The following HEMK2 variants were observed in gnomAD, a reference collection of about 807,000 sequenced individuals.
HEMK2 encodes the protein methyltransferase HEMK2.
At chr21:28,730,053 T>A in the HEMK2 span, among the ~76,000 whole-genome samples, 1 of 152,044 alleles carries the variant, frequency 6.6e-6, no homozygotes, top group Non-Finnish European at 1.5e-5. Flanking sequence ...TATTGCTTTG[T>A]AACAAAATCC....
the HEMK2 span, among the ~76,000 whole-genome samples, chr21:28,729,025 C>T: frequency 6.6e-6 from 1 of 152,170 alleles, no homozygotes; most frequent in African/African-American, 2.4e-5. Flanking sequence ...TGAGAGTGTA[C>T]TCATTTAGTT....
At chr21:28,726,317 A>T in the HEMK2 span, among the ~76,000 whole-genome samples, 1 of 152,030 alleles carries the variant, frequency 6.6e-6, no homozygotes, top group Non-Finnish European at 1.5e-5. Context: ...AAATATTAAT[A>T]AATAAACTTA....
the HEMK2 span, among the ~76,000 whole-genome samples, chr21:28,582,331 A>G: frequency 6.6e-6 from 1 of 152,184 alleles, no homozygotes; most frequent in Non-Finnish European, 1.5e-5. Flanking sequence ...ATATATTAAT[A>G]TCATTTTTTT....
chr21:28,589,736 C>CATATAGAA, the HEMK2 span, among the ~76,000 whole-genome samples: 1 of 151,848 alleles, frequency 6.6e-6, no homozygotes, highest in South Asian at 2.1e-4. Context: ...AAAATGGATA[C>CATATAGAA]ATATAGAAAT....
At chr21:28,786,365 C>T in the HEMK2 span, among the ~76,000 whole-genome samples, 1 of 152,022 alleles carries the variant, frequency 6.6e-6, no homozygotes, top group Non-Finnish European at 1.5e-5. Flanking sequence ...AATCTAATAC[C>T]CCATTAAGGA....
chr21:28,618,728 C>G, the HEMK2 span, among the ~76,000 whole-genome samples: 1 of 152,188 alleles, frequency 6.6e-6, no homozygotes, highest in Admixed American at 6.5e-5. Flanking sequence ...GAACACATAT[C>G]CTAAGGTACT....
At chr21:28,630,180 C>CT in the HEMK2 span, among the ~76,000 whole-genome samples, 5 of 127,240 alleles carry the variant, frequency 3.9e-5, no homozygotes, top group Non-Finnish European at 7.1e-5. Context: ...CATTAACTTT[C>CT]TTTTTTTTCA....
the HEMK2 span, among the ~76,000 whole-genome samples, chr21:28,869,622 A>G: frequency 1.9e-4 from 29 of 152,296 alleles, no homozygotes; most frequent in African/African-American, 5.1e-4. Context: ...CTCATGCATA[A>G]TCTTCCTCTT....
At chr21:28,698,899 G>A in the HEMK2 span, among the ~76,000 whole-genome samples, 5 of 151,982 alleles carry the variant, frequency 3.3e-5, no homozygotes, top group Admixed American at 6.6e-5. Flanking sequence ...TACCTACCCC[G>A]ACCAAACCCC....
the HEMK2 span, among the ~76,000 whole-genome samples, chr21:28,669,833 A>G: frequency 6.6e-6 from 1 of 152,202 alleles, no homozygotes; most frequent in Non-Finnish European, 1.5e-5. Flanking sequence ...GCTAACTCAT[A>G]ACCTCTCCCC....
chr21:28,590,863 G>A, the HEMK2 span, among the ~76,000 whole-genome samples: 1 of 152,244 alleles, frequency 6.6e-6, no homozygotes, highest in Admixed American at 6.5e-5. Context: ...ATGTGCTAAT[G>A]CAGCAGGCAT....
At chr21:28,673,165 G>A in the HEMK2 span, among the ~76,000 whole-genome samples, 1 of 149,206 alleles carries the variant, frequency 6.7e-6, no homozygotes, top group East Asian at 2.0e-4. Context: ...GGAAGGAAGG[G>A]AGGGAGAGAG....
the HEMK2 span, among the ~76,000 whole-genome samples, chr21:28,736,813 G>T: frequency 3.3e-5 from 5 of 151,322 alleles, no homozygotes; most frequent in East Asian, 9.7e-4. Context: ...AAAAAGATGA[G>T]ACAGGCAGGT....
chr21:28,790,392 C>T, the HEMK2 span, among the ~76,000 whole-genome samples: 1 of 152,078 alleles, frequency 6.6e-6, no homozygotes, highest in Non-Finnish European at 1.5e-5. Context: ...TCCGTGAAAC[C>T]TGCATTTGTC....
chr21:28,867,991 T>C, the HEMK2 span, among the ~76,000 whole-genome samples: 7 of 152,374 alleles, frequency 4.6e-5, no homozygotes, highest in Non-Finnish European at 7.3e-5. Flanking sequence ...GAATCTAATT[T>C]CATTGTTTCC....
chr21:28,753,672 TGA>T, the HEMK2 span, among the ~76,000 whole-genome samples: 4 of 152,190 alleles, frequency 2.6e-5, no homozygotes. Context: ...TTTACAAATC[TGA>T]GAGTTAGCCA....
the HEMK2 span, among the ~76,000 whole-genome samples, chr21:28,692,949 T>C: frequency 3.3e-4 from 50 of 152,126 alleles, no homozygotes; most frequent in Middle Eastern, 6.8e-3. Flanking sequence ...AATAGGCGAA[T>C]CCAAAGTGGC....
the HEMK2 span, among the ~76,000 whole-genome samples, chr21:28,605,890 T>C: frequency 1.3e-5 from 2 of 152,228 alleles, no homozygotes; most frequent in African/African-American, 4.8e-5. Context: ...AACAATTATG[T>C]TCCATTGAAG....
the HEMK2 span, among the ~76,000 whole-genome samples, chr21:28,602,991 C>T: frequency 0.023 from 3,542 of 152,280 alleles, 155 homozygotes; most frequent in African/African-American, 0.081. Context: ...AGGACAACTG[C>T]CCTCAGGGGT....
Sources: gnomAD v4.1 joint callset for allele counts (sites outside exome capture counted in the v4.1 genomes callset) on GRCh38, gnomAD v4.1.1 for gene constraint, MANE v1.5 for transcripts, NCBI Gene and HGNC (gene_info 2026-07-23, HGNC 2026-07-21) for gene names.